The following SSUH2 variants were observed in gnomAD, a reference collection of about 807,000 sequenced individuals.
SSUH2 encodes ssu-2 homolog, also known as protein SSUH2 homolog.
SSUH2 carries 47 observed loss-of-function variants against 55.3 expected under a neutral mutation model. The observed-to-expected ratio is 0.85, with a 90% CI of 0.67 to 1.08. The LOEUF (loss-of-function observed/expected upper bound fraction) is 1.08, where lower values mean the gene tolerates loss of function less well. Among genes scored for constraint, SSUH2 ranks in the 50% least tolerant of loss-of-function variants. The pLI is 0.00. For synonymous variants in SSUH2, 212 were observed against 191.5 expected (o/e 1.11, Z -0.89); for missense variants, 535 against 490.7 (o/e 1.09, Z -0.85).
At chr3:8,662,117 G>A (rs567107490) in intron 6 of SSUH2, among the ~76,000 whole-genome samples, 2 of 152,280 alleles carry the variant, frequency 1.3e-5, no homozygotes, top group African/African-American at 4.8e-5. Flanking sequence ...CAGTGCGAAA[G>A]TACACTAATA....
At chr3:8,659,794 T>C (rs1362991814) in intron 6 of SSUH2, 15 of 456,334 alleles carry the variant, frequency 3.3e-5, no homozygotes, top group Non-Finnish European at 5.7e-5. Context: ...TGGAGATTCA[T>C]CAGATACCTG....
At chr3:8,657,033 A>G (rs1437571225) in intron 7 of SSUH2, among the ~76,000 whole-genome samples, 1 of 152,136 alleles carries the variant, frequency 6.6e-6, no homozygotes, top group Non-Finnish European at 1.5e-5. Flanking sequence ...GGCATGCACC[A>G]TCACACCCGG....
upstream of SSUH2, among the ~76,000 whole-genome samples, chr3:8,645,744 A>T (rs946528441): frequency 2.0e-5 from 3 of 152,120 alleles, no homozygotes; most frequent in Admixed American, 6.5e-5. Context: ...CATCAGGACT[A>T]TTTTGTCAGT....
intron 7 of SSUH2, among the ~76,000 whole-genome samples, chr3:8,653,980 C>G (rs1702690502): frequency 6.6e-6 from 1 of 152,226 alleles, no homozygotes; most frequent in South Asian, 2.1e-4. Context: ...CATTTGGACT[C>G]AAACAGCAGG....
rs899000095 is a variant in SSUH2 at position 8,635,810 on chromosome 3, T to TG, written c.75dup (p.Thr26HisfsTer11). On this transcript the variant is annotated frameshift_variant, in exon 2 of 12. Coordinates refer to ENST00000544814, the MANE Select transcript of SSUH2 (RefSeq NM_001256748.3). LOFTEE classifies it high-confidence loss of function. ...CTGGGCAGTCTCTCCAGGAGCTCTG[T>TG]GGGGGGCGCCAGAGGACTCTCGGCC... 3.3e-6 allele frequency: 5 copies of TG among 1,535,814 alleles called. No individual in the cohort carries two copies. The highest frequency in any genetic ancestry group is 2.7e-5 in the African/African-American group (2 of 72,994).
chr3:8,646,638 G>A (rs1019328953), upstream of SSUH2, among the ~76,000 whole-genome samples: 3 of 152,146 alleles, frequency 2.0e-5, no homozygotes, highest in African/African-American at 4.8e-5. Flanking sequence ...ATCTTGCTTC[G>A]GCATCCGTAC....
intron 4 of SSUH2, chr3:8,671,217 T>C (rs765259137): frequency 1.2e-5 from 2 of 169,770 alleles, no homozygotes; most frequent in Non-Finnish European, 2.6e-5. Flanking sequence ...AACATTTCTA[T>C]AGAACATTGC....
intron 4 of SSUH2, among the ~76,000 whole-genome samples, chr3:8,633,077 G>A (rs1004687715): frequency 3.3e-5 from 5 of 151,900 alleles, no homozygotes; most frequent in Admixed American, 6.5e-5. Flanking sequence ...TTGACAAGGC[G>A]TGTGTGTAGC....
At chr3:8,622,517 G>A (rs930609751) in intron 11 of SSUH2, among the ~76,000 whole-genome samples, 3 of 152,146 alleles carry the variant, frequency 2.0e-5, no homozygotes, top group Admixed American at 6.5e-5. Context: ...TGGAAACACT[G>A]GGTCTTGTGC....
chr3:8,622,003 C>T lies in SSUH2; in HGVS notation c.981+1546G>A, dbSNP rs75073117. 8.4e-3 allele frequency among the ~76,000 whole-genome samples: 1,275 copies of T among 151,878 alleles called. 32 individuals are homozygous for T. The highest frequency in any genetic ancestry group is 0.029 in the African/African-American group (1,218 of 41,394). ...TCGAAGTTTGAGGCCACAAATTGCT[C>T]AAGACATCAATTGCCATCAAGTGGT... is the stretch of plus-strand genomic sequence containing the variant. On this transcript the variant is annotated intron_variant, in intron 11 of 11. Transcript: ENST00000544814.
At chr3:8,672,032 G>C (rs901162220) in exon 4 of SSUH2, 1 of 152,012 alleles carries the variant, frequency 6.6e-6, no homozygotes, top group African/African-American at 2.4e-5. Context: ...GCATCCTCTT[G>C]CCCCTGGATA....
chr3:8,667,819 T>G (rs1704126409), intron 5 of SSUH2, among the ~76,000 whole-genome samples: 1 of 152,128 alleles, frequency 6.6e-6, no homozygotes, highest in Non-Finnish European at 1.5e-5. Flanking sequence ...GACAGCACTT[T>G]GGTGATCCCA....
At chr3:8,664,016 ATT>A in intron 5 of SSUH2, 1 of 347,180 alleles carries the variant, frequency 2.9e-6, no homozygotes, top group Non-Finnish European at 5.7e-6. Context: ...GACCCAGGTT[ATT>A]TCTCTCCCGG....
rs370898273 is a variant in SSUH2 at position 8,655,584 on chromosome 3, C to A, written c.-307+3341G>T. Among the ~76,000 whole-genome samples, 57 of 152,288 alleles carry A rather than the reference C, an allele frequency of 3.7e-4. 1 individual carries two copies. The South Asian group carries it at 7.7e-3, about 21-fold the overall frequency. ...GGTCTCAGTGGGTCATTCTTGCCCC[C>A]ATTAGTCCCCACAACCTCTATCTAT... On this transcript the variant is annotated intron_variant, in intron 7 of 18. Coordinates refer to the SSUH2 transcript ENST00000317371.
At chr3:8,670,483 G>A (rs1377724568) in intron 5 of SSUH2, among the ~76,000 whole-genome samples, 1 of 151,892 alleles carries the variant, frequency 6.6e-6, no homozygotes. Context: ...CACCCCATGT[G>A]ACATTAGGGA....
At chr3:8,679,666 A>AG (rs971945760) in intron 2 of SSUH2, 1 of 197,860 alleles carries the variant, frequency 5.1e-6, no homozygotes, top group African/African-American at 2.4e-5. Context: ...CCCCTGGCTT[A>AG]GGACCCCCAT....
upstream of SSUH2, among the ~76,000 whole-genome samples, chr3:8,648,837 A>T (rs67907179): frequency 0.15 from 23,303 of 152,036 alleles, 1,857 homozygotes; most frequent in East Asian, 0.18. Flanking sequence ...ATGCTCCAGG[A>T]ACCCAACTCA....
intron 3 of SSUH2, chr3:8,634,344 A>G: frequency 3.1e-6 from 4 of 1,270,486 alleles, no homozygotes; most frequent in Non-Finnish European, 4.1e-6. Context: ...CTCTTTCTGC[A>G]TGCCTCCCCC....
chr3:8,627,703 C>T lies in SSUH2; in HGVS notation c.669G>A (p.Arg223=). Residue 223 remains arginine, a synonymous_variant, in exon 8 of 12, where the codon AGG becomes AGA. Transcript: ENST00000544814. Reference sequence around the variant, plus strand: ...TGCTGGGGAGATGCCCCTACCTTCGCCTGCCGGACCCCGCGCACAGCTGAC... The same window carrying T: ...TGCTGGGGAGATGCCCCTACCTTCGTCTGCCGGACCCCGCGCACAGCTGAC... ...RRCQLCAGSG[R]RRCSTCSGRG... The T allele has an allele frequency of 1.3e-6, 2 of 1,587,654 alleles. No individual in the cohort carries two copies. Among genetic ancestry groups the T allele is most frequent in the African/African-American group, 1.4e-5 (1 of 74,036 alleles).
Sources: allele counts gnomAD v4.1 joint callset (sites outside exome capture counted in the v4.1 genomes callset), GRCh38; gene constraint gnomAD v4.1.1; transcripts MANE v1.5; gene names NCBI Gene and HGNC (gene_info 2026-07-23, HGNC 2026-07-21).